The following WDR7 variants were observed in gnomAD, a reference collection of about 807,000 sequenced individuals.
WDR7 encodes the protein WD repeat domain 7.
In WDR7, 46 loss-of-function variants were observed where a neutral mutation model predicts 169.4. That is an observed-to-expected ratio of 0.27 (90% CI 0.21 to 0.35). The LOEUF is 0.35. Among genes scored for constraint, WDR7 ranks in the 10% least tolerant of loss-of-function variants. The pLI is 1.00. For missense variants in WDR7, 1,534 were observed against 1,859.3 expected (o/e 0.83, Z 3.22); for synonymous variants, 612 against 666.8 (o/e 0.92, Z 1.27).
chr18:56,711,182 A>T (rs549558703), intron 12 of WDR7, among the ~76,000 whole-genome samples: 2 of 151,786 alleles, frequency 1.3e-5, no homozygotes, highest in East Asian at 3.9e-4. Context: ...TTTAACCTAC[A>T]CGTATTTTCA....
chr18:56,880,460 T>G (rs533874292), intron 21 of WDR7, among the ~76,000 whole-genome samples: 1 of 152,246 alleles, frequency 6.6e-6, no homozygotes, highest in South Asian at 2.1e-4. Flanking sequence ...TAGATTCAAG[T>G]TAAAGCTTTT....
intron 26 of WDR7, among the ~76,000 whole-genome samples, chr18:57,007,752 T>C (rs1449002705): frequency 6.6e-6 from 1 of 152,208 alleles, no homozygotes; most frequent in Admixed American, 6.5e-5. Context: ...ATGTGTACAA[T>C]GAGCCCAGGT....
intron 1 of WDR7, among the ~76,000 whole-genome samples, chr18:56,653,185 T>A (rs2024691727): frequency 6.6e-6 from 1 of 151,936 alleles, no homozygotes; most frequent in Non-Finnish European, 1.5e-5. Context: ...GTTCAAGGCA[T>A]CTCCCCTGCC....
chr18:56,944,958 T>A (rs185986720), intron 25 of WDR7, among the ~76,000 whole-genome samples: 1 of 152,344 alleles, frequency 6.6e-6, no homozygotes, highest in Admixed American at 6.5e-5. Context: ...AATAAAGTTC[T>A]AACTCCAAGA....
intron 16 of WDR7, among the ~76,000 whole-genome samples, chr18:56,776,452 T>C (rs377224739): frequency 6.6e-6 from 1 of 152,194 alleles, no homozygotes; most frequent in Non-Finnish European, 1.5e-5. Context: ...AAAAATTGAA[T>C]AACATTTTTG....
At chr18:56,715,490 T>C (rs913392160) in intron 12 of WDR7, among the ~76,000 whole-genome samples, 1 of 152,176 alleles carries the variant, frequency 6.6e-6, no homozygotes, top group Admixed American at 6.6e-5. Flanking sequence ...GGATTAGCTC[T>C]TTATAAAGAA....
intron 21 of WDR7, among the ~76,000 whole-genome samples, chr18:56,907,871 G>A (rs969500260): frequency 6.6e-6 from 1 of 152,066 alleles, no homozygotes; most frequent in Admixed American, 6.6e-5. Flanking sequence ...CATCACCTTG[G>A]GGGTTACATT....
intron 20 of WDR7, among the ~76,000 whole-genome samples, chr18:56,857,931 G>A (rs2045747341): frequency 6.6e-6 from 1 of 152,028 alleles, no homozygotes; most frequent in African/African-American, 2.4e-5. Flanking sequence ...AACTCCTACA[G>A]TTTGGTACAT....
intron 22 of WDR7, among the ~76,000 whole-genome samples, chr18:56,931,623 A>T (rs570994422): frequency 0.037 from 5,690 of 152,278 alleles, 131 homozygotes; most frequent in Non-Finnish European, 0.053. Flanking sequence ...ATATAAAACT[A>T]ATTAGTAAGG....
intron 20 of WDR7, among the ~76,000 whole-genome samples, chr18:56,840,361 C>A (rs1487105550): frequency 6.6e-6 from 1 of 151,664 alleles, no homozygotes; most frequent in Non-Finnish European, 1.5e-5. Flanking sequence ...AATAAAATAT[C>A]GTAAAAATCA....
At chr18:57,016,235 G>A (rs917872192) in intron 26 of WDR7, among the ~76,000 whole-genome samples, 5 of 151,938 alleles carry the variant, frequency 3.3e-5, no homozygotes, top group African/African-American at 1.2e-4. Flanking sequence ...CAAGATCTTG[G>A]GGGTCATCAA....
intron 19 of WDR7, among the ~76,000 whole-genome samples, chr18:56,782,793 G>A (rs1599039467): frequency 6.6e-6 from 1 of 152,160 alleles, no homozygotes; most frequent in African/African-American, 2.4e-5. Flanking sequence ...TTTGCCAGTG[G>A]TGACTCTAGT....
chr18:56,793,380 C>T (rs547861469), intron 19 of WDR7, among the ~76,000 whole-genome samples: 6 of 152,256 alleles, frequency 3.9e-5, no homozygotes, highest in African/African-American at 1.4e-4. Flanking sequence ...CTTGCCTGTT[C>T]AACTTAATGA....
intron 14 of WDR7, among the ~76,000 whole-genome samples, chr18:56,748,462 T>A (rs72931215): frequency 0.015 from 2,353 of 152,290 alleles, 25 homozygotes; most frequent in Middle Eastern, 0.034. Context: ...CAGTAAGACA[T>A]GGTCTACAGA....
intron 21 of WDR7, among the ~76,000 whole-genome samples, chr18:56,882,685 A>G (rs1236261274): frequency 6.6e-6 from 1 of 152,192 alleles, no homozygotes; most frequent in African/African-American, 2.4e-5. Flanking sequence ...CCAGAAATCA[A>G]TTCCTTTAAA....
At chr18:56,752,120 C>T (rs77713296) in intron 14 of WDR7, among the ~76,000 whole-genome samples, 44 of 152,256 alleles carry the variant, frequency 2.9e-4, no homozygotes, top group South Asian at 1.0e-3. Flanking sequence ...GATTCTGACG[C>T]GTTCCTAAAG....
At chr18:56,953,712 G>A (rs994083336) in intron 25 of WDR7, among the ~76,000 whole-genome samples, 49 of 152,342 alleles carry the variant, frequency 3.2e-4, no homozygotes, top group African/African-American at 1.2e-3. Flanking sequence ...GGGACACAAA[G>A]GAGGGAGCTG....
intron 20 of WDR7, among the ~76,000 whole-genome samples, chr18:56,833,259 T>C (rs1428242738): frequency 2.0e-5 from 3 of 151,570 alleles, no homozygotes; most frequent in Non-Finnish European, 4.4e-5. Flanking sequence ...ATCAACTTAA[T>C]GAAATAAATT....
At chr18:56,775,172 T>G (rs7237778) in intron 16 of WDR7, among the ~76,000 whole-genome samples, 5,825 of 152,122 alleles carry the variant, frequency 0.038, 376 homozygotes, top group African/African-American at 0.13. Context: ...ACCCTCTCAT[T>G]CTATTGTCCT....
Sources: gnomAD v4.1 joint callset for allele counts (sites outside exome capture counted in the v4.1 genomes callset) on GRCh38, gnomAD v4.1.1 for gene constraint, MANE v1.5 for transcripts, NCBI Gene and HGNC (gene_info 2026-07-23, HGNC 2026-07-21) for gene names.